Variants in CACNA1D observed in about 807,000 individuals in gnomAD.
CACNA1D encodes the protein calcium voltage-gated channel subunit alpha1 D.
CACNA1D carries 55 observed loss-of-function variants against 257.1 expected under a neutral mutation model. The ratio of observed to expected loss-of-function variants is 0.21; its 90% CI spans 0.17 to 0.27. The LOEUF (loss-of-function observed/expected upper bound fraction) is 0.27, where lower values mean the gene tolerates loss of function less well. CACNA1D is among the 10% of genes least tolerant of loss of function. The pLI, the probability that CACNA1D is intolerant of heterozygous loss-of-function variation, is 1.00. For synonymous variants in CACNA1D, 980 were observed against 1,014.9 expected (o/e 0.97, Z 0.65); for missense variants, 1,876 against 2,784.0 (o/e 0.67, Z 7.34).
chr3:53,588,844 G>A (rs189974685), intron 3 of CACNA1D, among the ~76,000 whole-genome samples: 3 of 152,138 alleles, frequency 2.0e-5, no homozygotes, highest in East Asian at 1.9e-4. Context: ...AACAGATTCC[G>A]ATCTCCTTTG....
intron 8 of CACNA1D, among the ~76,000 whole-genome samples, chr3:53,689,545 G>T (rs181490195): frequency 1.3e-5 from 2 of 152,240 alleles, no homozygotes; most frequent in East Asian, 3.9e-4. Context: ...TGAAGGTATA[G>T]ATGTGGGAGT....
At chr3:53,636,830 A>G (rs2093889741) in intron 3 of CACNA1D, among the ~76,000 whole-genome samples, 1 of 152,162 alleles carries the variant, frequency 6.6e-6, no homozygotes, top group Non-Finnish European at 1.5e-5. Flanking sequence ...CCTATTGTCA[A>G]CTGATTCTTT....
chr3:53,753,071 A>C (rs769264581), intron 28 of CACNA1D, among the ~76,000 whole-genome samples: 7 of 152,228 alleles, frequency 4.6e-5, no homozygotes, highest in Non-Finnish European at 7.3e-5. Context: ...AGTAGGTCTA[A>C]AGATAGGGAT....
chr3:53,780,465 A>G (rs1021693447), intron 38 of CACNA1D, among the ~76,000 whole-genome samples: 4 of 152,236 alleles, frequency 2.6e-5, no homozygotes, highest in Non-Finnish European at 5.9e-5. Context: ...AACTAGTTGT[A>G]TGACCTGCAG....
intron 37 of CACNA1D, 82 bp downstream of exon 37, chr3:53,777,038 C>T: frequency 9.7e-7 from 1 of 1,025,862 alleles, no homozygotes; most frequent in Non-Finnish European, 1.5e-6. Flanking sequence ...GTGACACAGC[C>T]AGGCCTTCTG....
chr3:53,802,811 C>G (rs1225913794), intron 43 of CACNA1D, among the ~76,000 whole-genome samples: 2 of 152,190 alleles, frequency 1.3e-5, no homozygotes, highest in African/African-American at 4.8e-5. Flanking sequence ...GGATTGACAT[C>G]ACCACGTCCT....
chr3:53,687,495 G>A (rs1191707203), intron 8 of CACNA1D, among the ~76,000 whole-genome samples: 1 of 148,556 alleles, frequency 6.7e-6, no homozygotes, highest in Non-Finnish European at 1.5e-5. Flanking sequence ...ATAATTCAGT[G>A]GAGAAAGGAT....
At position 53,559,481 on chromosome 3, in the gene CACNA1D, G is replaced by A. The variant is rs550933276; in HGVS notation, c.483+57761G>A. Among the ~76,000 whole-genome samples the A allele has an allele frequency of 2.7e-4, 41 of 152,110 alleles. No homozygotes were observed. The Middle Eastern group carries it at 0.01, about 38-fold the overall frequency. ...TGTTTATTTCCTTAAGCAGATAATC[G>A]ACCTGGTTGCAAATTCTGACCTGAC... is the stretch of plus-strand genomic sequence containing the variant. On this transcript the variant is annotated intron_variant, in intron 3 of 47. Transcript: ENST00000350061.
At chr3:53,750,243 C>T in intron 27 of CACNA1D, among the ~76,000 whole-genome samples, 1 of 152,206 alleles carries the variant, frequency 6.6e-6, no homozygotes, top group East Asian at 1.9e-4. Flanking sequence ...TACACCTGCA[C>T]TGTGACCCTA....
chr3:53,643,155 G>C (rs1430046963), intron 3 of CACNA1D, among the ~76,000 whole-genome samples: 2 of 152,190 alleles, frequency 1.3e-5, no homozygotes, highest in African/African-American at 2.4e-5. Flanking sequence ...TAAACCGAAG[G>C]TGAAGAAAGA....
intron 3 of CACNA1D, among the ~76,000 whole-genome samples, chr3:53,531,524 G>T (rs1366994380): frequency 2.6e-5 from 4 of 152,150 alleles, no homozygotes; most frequent in African/African-American, 9.7e-5. Context: ...GATAATTTAG[G>T]CTAAAAGAAA....
intron 7 of CACNA1D, among the ~76,000 whole-genome samples, chr3:53,667,697 G>T (rs533267350): frequency 5.3e-5 from 8 of 152,274 alleles, no homozygotes; most frequent in Admixed American, 3.9e-4. Context: ...ATGAGGCAAA[G>T]AAGTTATATT....
intron 3 of CACNA1D, among the ~76,000 whole-genome samples, chr3:53,565,813 A>G (rs1024287840): frequency 3.9e-5 from 6 of 152,204 alleles, no homozygotes; most frequent in Non-Finnish European, 7.3e-5. Context: ...GTGGTTTGGT[A>G]CTTAATACTG....
intron 4 of CACNA1D, among the ~76,000 whole-genome samples, chr3:53,659,352 C>G (rs1451351305): frequency 6.6e-6 from 1 of 152,142 alleles, no homozygotes; most frequent in East Asian, 1.9e-4. Context: ...TTGCACAGCT[C>G]CTTAGTATCT....
intron 8 of CACNA1D, among the ~76,000 whole-genome samples, chr3:53,676,849 G>T (rs917521013): frequency 4.6e-5 from 7 of 152,200 alleles, no homozygotes; most frequent in Non-Finnish European, 1.0e-4. Context: ...ACCCTATGCA[G>T]CCATGCATGA....
At chr3:53,770,082 T>A in intron 31 of CACNA1D, 65 bp downstream of exon 31, 1 of 1,305,126 alleles carries the variant, frequency 7.7e-7, no homozygotes, top group South Asian at 1.2e-5. Context: ...CCATGTCGAG[T>A]TTTCCACTGG....
At chr3:53,525,420 C>T (rs1297741546) in intron 3 of CACNA1D, among the ~76,000 whole-genome samples, 1 of 152,182 alleles carries the variant, frequency 6.6e-6, no homozygotes, top group Admixed American at 6.5e-5. Flanking sequence ...AGGACATGAA[C>T]TCATTCCTGT....
At chr3:53,503,762 CTT>C (rs75095437) in intron 3 of CACNA1D, among the ~76,000 whole-genome samples, 6 of 141,856 alleles carry the variant, frequency 4.2e-5, no homozygotes, top group African/African-American at 1.0e-4. Flanking sequence ...AAGCTTTGAA[CTT>C]TTTTTTTTTT....
chr3:53,808,514 TA>T, intron 45 of CACNA1D, 134 bp from the exon 46 acceptor site: 1 of 1,048,722 alleles, frequency 9.5e-7, no homozygotes, highest in Non-Finnish European at 1.5e-6. Context: ...CCTCACTACC[TA>T]ATCTTTCTCT....
Sources: gnomAD v4.1 joint callset for allele counts (sites outside exome capture counted in the v4.1 genomes callset) on GRCh38, gnomAD v4.1.1 for gene constraint, MANE v1.5 for transcripts, NCBI Gene and HGNC (gene_info 2026-07-23, HGNC 2026-07-21) for gene names.